The following NALCN variants were observed in gnomAD, a reference collection of about 807,000 sequenced individuals.
NALCN encodes the protein sodium leak channel, non-selective.
In NALCN, 111 loss-of-function variants were observed where a neutral mutation model predicts 225.3. The ratio of observed to expected loss-of-function variants is 0.49; its 90% CI spans 0.42 to 0.58. The LOEUF (loss-of-function observed/expected upper bound fraction) is 0.58, where lower values mean the gene tolerates loss of function less well. Among genes scored for constraint, NALCN ranks in the 20% least tolerant of loss-of-function variants. NALCN has a pLI of 0.00. For missense variants in NALCN, 1,378 were observed against 2,202.4 expected (o/e 0.63, Z 7.49); for synonymous variants, 764 against 769.0 (o/e 0.99, Z 0.11).
chr13:101,076,842 G>A (rs1261432895), intron 34 of NALCN, among the ~76,000 whole-genome samples: 3 of 152,186 alleles, frequency 2.0e-5, no homozygotes, highest in Admixed American at 6.5e-5. Context: ...GAGGTTATCT[G>A]GGATTAGAGA....
intron 13 of NALCN, among the ~76,000 whole-genome samples, chr13:101,224,855 C>T (rs1017762621): frequency 6.6e-6 from 1 of 152,176 alleles, no homozygotes; most frequent in Non-Finnish European, 1.5e-5. Context: ...GCTTTTCAGC[C>T]TCGGAGGGAA....
intron 11 of NALCN, among the ~76,000 whole-genome samples, chr13:101,247,611 A>G (rs1279707921): frequency 2.0e-5 from 3 of 152,138 alleles, no homozygotes; most frequent in African/African-American, 4.8e-5. Context: ...TTTTTTCACC[A>G]TCATTTAGTT....
chr13:101,266,321 G>A (rs906664729), intron 10 of NALCN, among the ~76,000 whole-genome samples: 1 of 152,066 alleles, frequency 6.6e-6, no homozygotes, highest in Non-Finnish European at 1.5e-5. Flanking sequence ...GAAATGGACC[G>A]TGAACATTTA....
chr13:101,235,475 T>C (rs1324219542), intron 12 of NALCN, among the ~76,000 whole-genome samples: 1 of 150,584 alleles, frequency 6.6e-6, no homozygotes, highest in Admixed American at 6.8e-5. Flanking sequence ...TCTATAATTA[T>C]GTGCAATGAT....
At chr13:101,318,856 T>A (rs2044647855) in intron 7 of NALCN, among the ~76,000 whole-genome samples, 1 of 152,030 alleles carries the variant, frequency 6.6e-6, no homozygotes, top group Non-Finnish European at 1.5e-5. Flanking sequence ...TCCTCACATC[T>A]TTTTTTTAGT....
At position 101,066,632 on chromosome 13, in the gene NALCN, G is replaced by A. The variant is rs74116964; in HGVS notation, c.4447-1071C>T. On this transcript the variant is annotated intron_variant, in intron 39 of 43. Transcript: ENST00000251127. The stretch of plus-strand genomic sequence containing the variant: ...TTCCCGTGGGTGACAGTTACAGAGA[G>A]ACAGGTGGATCCTGAGGAGCTGAGA... Among the ~76,000 whole-genome samples, 578 of 152,270 alleles carry A rather than the reference G, an allele frequency of 3.8e-3. 2 individuals are homozygous for A. The highest frequency in any genetic ancestry group is 0.013 in the African/African-American group (560 of 41,566).
At chr13:101,330,791 T>C (rs191864588) in intron 7 of NALCN, among the ~76,000 whole-genome samples, 10 of 152,268 alleles carry the variant, frequency 6.6e-5, no homozygotes, top group African/African-American at 2.4e-4. Flanking sequence ...GTTCTCATGA[T>C]GGTGAATAAG....
rs898805076 is a variant in NALCN at position 101,245,300 on chromosome 13, C to CT, written c.1267-7379dup. ...ATTTGTAAGAGTATAATAAACTTTT[C>CT]TTTTTTTTTGCATTACTTTAAGAAA... On this transcript the variant is annotated intron_variant, in intron 11 of 43. Coordinates refer to ENST00000251127, the MANE Select transcript of NALCN (RefSeq NM_052867.4). Among the ~76,000 whole-genome samples, 121 of 151,104 alleles carry CT rather than the reference C, an allele frequency of 8.0e-4. 1 individual carries two copies. Among genetic ancestry groups the CT allele is most frequent in the African/African-American group, 2.4e-3 (99 of 41,248 alleles).
chr13:101,112,438 G>A (rs1185850610), intron 18 of NALCN, among the ~76,000 whole-genome samples: 1 of 152,156 alleles, frequency 6.6e-6, no homozygotes, highest in African/African-American at 2.4e-5. Flanking sequence ...TTATTCTCCA[G>A]AAAATTTTCT....
rs1262805451 is a variant in NALCN at position 101,215,073 on chromosome 13, G to A, written c.1626+14320C>T. Among the ~76,000 whole-genome samples the A allele has an allele frequency of 3.3e-5, 5 of 152,142 alleles. No homozygotes were observed. In the South Asian group the frequency reaches 1.0e-3, roughly 31 times the overall value. ...CAATTCAGGCTAAATGAAGAGCTAA[G>A]TGTTTCAAGCAAAATAAAGCCTGAC... On this transcript the variant is annotated intron_variant, in intron 13 of 43. Coordinates refer to ENST00000251127, the MANE Select transcript of NALCN (RefSeq NM_052867.4).
intron 14 of NALCN, among the ~76,000 whole-genome samples, chr13:101,190,070 A>G (rs1144785): frequency 0.36 from 55,160 of 152,022 alleles, 10,604 homozygotes; most frequent in African/African-American, 0.43. Context: ...TTGAAAAAAT[A>G]TTACTTTACT....
At chr13:101,383,537 G>A (rs2046906730) in intron 3 of NALCN, among the ~76,000 whole-genome samples, 1 of 152,168 alleles carries the variant, frequency 6.6e-6, no homozygotes, top group Admixed American at 6.5e-5. Context: ...GTGACATATA[G>A]CAGATATTAA....
chr13:101,296,046 C>A (rs1175466132), intron 7 of NALCN, among the ~76,000 whole-genome samples: 1 of 152,194 alleles, frequency 6.6e-6, no homozygotes, highest in African/African-American at 2.4e-5. Flanking sequence ...CTCTGGCCCT[C>A]TTGACAGACT....
In NALCN at chr13:101,095,658, C is replaced by T; in HGVS notation, c.3185G>A (p.Arg1062Lys). Residue 1062 changes from arginine (R) to lysine (K), a missense_variant, in exon 28 of 44, where the codon AGA becomes AAA. Physicochemically the swap from Arg to Lys is conservative, Grantham distance 26 (BLOSUM62 2). Coordinates refer to ENST00000251127, the MANE Select transcript of NALCN (RefSeq NM_052867.4). ...GTTCTTTGACACACTGACATTAATT[C>T]TGAATATGCCATTGCAATCTTCCTA... Reference protein sequence around the residue: ...IRREDCNGIFRINVSVSKNLN... With the variant: ...IRREDCNGIFKINVSVSKNLN... 1 of 1,612,740 alleles carries T rather than the reference C, an allele frequency of 6.2e-7. No individual in the cohort carries two copies. The highest frequency in any genetic ancestry group is 8.5e-7 in the Non-Finnish European group (1 of 1,179,406).
At chr13:101,289,597 A>G (rs1040976314) in intron 9 of NALCN, among the ~76,000 whole-genome samples, 8 of 151,566 alleles carry the variant, frequency 5.3e-5, no homozygotes, top group Non-Finnish European at 8.8e-5. Flanking sequence ...CTGCAGACTT[A>G]GACATCAACA....
chr13:101,296,304 A>T (rs576643233), intron 7 of NALCN, among the ~76,000 whole-genome samples: 1 of 152,262 alleles, frequency 6.6e-6, no homozygotes, highest in Non-Finnish European at 1.5e-5. Flanking sequence ...GCCTACAGAC[A>T]TAGGAAAGCA....
At chr13:101,195,599 G>A (rs1566415081) in intron 13 of NALCN, among the ~76,000 whole-genome samples, 1 of 152,212 alleles carries the variant, frequency 6.6e-6, no homozygotes, top group East Asian at 1.9e-4. Flanking sequence ...AATGAGACAG[G>A]AATTTTTTGT....
intron 9 of NALCN, among the ~76,000 whole-genome samples, chr13:101,287,493 T>C (rs2043381877): frequency 1.3e-5 from 2 of 152,188 alleles, no homozygotes; most frequent in South Asian, 2.1e-4. Flanking sequence ...TTTCCAATCA[T>C]TGTCATTTTT....
At chr13:101,240,067 T>C (rs1350707756) in intron 11 of NALCN, among the ~76,000 whole-genome samples, 1 of 152,100 alleles carries the variant, frequency 6.6e-6, no homozygotes, top group African/African-American at 2.4e-5. Context: ...CAATAATCTT[T>C]GCTATATATA....
Sources: gnomAD v4.1 joint callset for allele counts (sites outside exome capture counted in the v4.1 genomes callset) on GRCh38, gnomAD v4.1.1 for gene constraint, MANE v1.5 for transcripts, NCBI Gene and HGNC (gene_info 2026-07-23, HGNC 2026-07-21) for gene names.